TOGARAM1: variants seen among roughly 807,000 people sequenced by gnomAD.
The protein encoded by TOGARAM1 is TOG array regulator of axonemal microtubules protein 1.
A neutral mutation model predicts 166.6 loss-of-function variants in TOGARAM1; 100 were observed. The ratio of observed to expected loss-of-function variants is 0.60; its 90% CI spans 0.51 to 0.71. The LOEUF is 0.71. Ranked by LOEUF, TOGARAM1 falls within the 30% of genes least tolerant of loss-of-function variation. The pLI, the probability that TOGARAM1 is intolerant of heterozygous loss-of-function variation, is 0.00. For missense variants in TOGARAM1, 2,029 were observed against 2,102.7 expected (o/e 0.96, Z 0.69); for synonymous variants, 758 against 763.8 (o/e 0.99, Z 0.13).
rs533633198 is a variant in TOGARAM1, at chr14:45,040,148, G to A, written c.3813-3538G>A. Among the ~76,000 whole-genome samples, 20 of 152,330 alleles carry A rather than the reference G, an allele frequency of 1.3e-4. No homozygotes were observed. The South Asian group carries it at 4.1e-3, about 32-fold the overall frequency. ...GAATTAAATTGGAAATTAATGACAG[G>A]TATTTGGAAAATGCTCAAATATTTA... On this transcript the variant is annotated intron_variant, in intron 11 of 19. Transcript: ENST00000361462.
intron 16 of TOGARAM1, among the ~76,000 whole-genome samples, chr14:45,062,589 C>A (rs745524063): frequency 1.3e-4 from 20 of 152,246 alleles, no homozygotes; most frequent in Middle Eastern, 3.4e-3. Flanking sequence ...GATTTTTCAA[C>A]CTTACAATGG....
At chr14:45,045,307 GC>G (rs940146397) in intron 13 of TOGARAM1, among the ~76,000 whole-genome samples, 1 of 150,670 alleles carries the variant, frequency 6.6e-6, no homozygotes, top group Non-Finnish European at 1.5e-5. Context: ...TTTATCCCTC[GC>G]CCCCCTCCTG....
Position 44,999,494 on chromosome 14 carries a change from A to G in TOGARAM1, c.2335A>G (p.Lys779Glu). The G allele has an allele frequency of 6.2e-7, 1 of 1,602,786 alleles. No individual in the cohort carries two copies. Among genetic ancestry groups the G allele is most frequent in the Non-Finnish European group, 8.5e-7 (1 of 1,173,984 alleles). The change falls in exon 3 of 20, where the codon AAA becomes GAA. Residue 779 changes from lysine to glutamate, a missense_variant. By Grantham distance (56) the Lys-to-Glu change is moderately conservative. This residue lies in a region of TOGARAM1 where 1,453 missense variants were observed against 1,432.2 expected (regional missense o/e 1.01). Coordinates refer to ENST00000361462, the MANE Select transcript of TOGARAM1 (RefSeq NM_001308120.2). ...AGGGACAACTAGCAGTCATCAAGAA[A>G]AAGGTATAAGTTCCAAATTTACTTG... Reference protein sequence around the residue: ...FLGTTSSHQEKVYASLNFGSK... With the variant: ...FLGTTSSHQEEVYASLNFGSK...
intron 7 of TOGARAM1, chr14:45,022,771 G>C (rs1880597901): frequency 6.6e-6 from 1 of 151,754 alleles, no homozygotes; most frequent in Non-Finnish European, 1.5e-5. Context: ...AGCTCTTTTT[G>C]CTTCAATATC....
At chr14:45,003,628 A>G (rs1007905735) in intron 3 of TOGARAM1, among the ~76,000 whole-genome samples, 1 of 152,180 alleles carries the variant, frequency 6.6e-6, no homozygotes, top group African/African-American at 2.4e-5. Flanking sequence ...CACTAGGCAA[A>G]TGTTCAGAGA....
In TOGARAM1 at chr14:45,068,446, G is replaced by A. The variant is rs568905720; in HGVS notation, c.4772G>A (p.Arg1591Gln). 10 of 1,604,576 alleles carry A rather than the reference G, an allele frequency of 6.2e-6. 1 individual carries two copies. In the South Asian group the frequency reaches 7.9e-5, roughly 13 times the overall value. Reference sequence around the variant, plus strand: ...CAGATTTTTGATGCTTTTAAATCTCGACTTCATGATTCTAATAGTAAAGTA... The same window carrying A: ...CAGATTTTTGATGCTTTTAAATCTCAACTTCATGATTCTAATAGTAAAGTA... ...IVKIFDAFKS[R>Q]LHDSNSKVNL... Residue 1591 changes from arginine (R) to glutamine (Q), a missense_variant, in exon 18 of 20, where the codon CGA becomes CAA. By Grantham distance (43) the Arg-to-Gln change is conservative. Transcript: ENST00000361462.
chr14:45,042,069 A>G (rs1031521108), intron 11 of TOGARAM1: 1 of 152,218 alleles, frequency 6.6e-6, no homozygotes, highest in African/African-American at 2.4e-5. Context: ...ATTTCTTTAC[A>G]TTCCATCAAT....
Position 44,963,280 on chromosome 14 carries a change from C to T in TOGARAM1, c.859C>T (p.Leu287Phe). The change falls in exon 1 of 20, where the codon CTT (leucine) becomes TTT (phenylalanine). Residue 287 changes from leucine (L) to phenylalanine (F), a missense_variant. By Grantham distance (22) the Leu-to-Phe change is conservative. This residue lies in a region of TOGARAM1 where 1,453 missense variants were observed against 1,432.2 expected (regional missense o/e 1.01). Transcript: ENST00000361462. ...CGCACTTCAACAAATTGGGGAGCGA[C>T]TTGGCCAAGACAGGTTTCAATCTTA... The part of the protein sequence containing the change: ...FSALQQIGER[L>F]GQDRFQSYIS... The T allele has an allele frequency of 6.2e-7, 1 of 1,614,180 alleles. No homozygotes were observed. The highest frequency in any genetic ancestry group is 8.5e-7 in the Non-Finnish European group (1 of 1,180,024).
At position 45,052,502 on chromosome 14, in the gene TOGARAM1, G is replaced by T; in HGVS notation, c.4380G>T (p.Lys1460Asn). The stretch of plus-strand genomic sequence containing the variant: ...CTAACTTTGAAAAAATGCTTGAAAA[G>T]TATGTCCCATCTAAAGATTTGCCAT... ...CHPNFEKMLE[K>N]YVPSKDLPYI... Residue 1460 changes from lysine (K) to asparagine (N), a missense_variant, in exon 15 of 20, where the codon AAG becomes AAT. Physicochemically the swap from Lys to Asn is moderately conservative, Grantham distance 94. This residue lies in a region of TOGARAM1 where 576 missense variants were observed against 670.5 expected (regional missense o/e 0.86). Coordinates refer to ENST00000361462, the MANE Select transcript of TOGARAM1 (RefSeq NM_001308120.2). The T allele has an allele frequency of 6.2e-7, 1 of 1,612,988 alleles. No individual in the cohort carries two copies. Among genetic ancestry groups the T allele is most frequent in the Non-Finnish European group, 8.5e-7 (1 of 1,179,472 alleles).
Position 45,002,762 on chromosome 14 carries a change from G to T in TOGARAM1, c.2339-1299G>T, listed in dbSNP as rs185856534. Among the ~76,000 whole-genome samples, 10 of 152,264 alleles carry T rather than the reference G, an allele frequency of 6.6e-5. No homozygotes were observed. The East Asian group carries it at 1.4e-3, about 21-fold the overall frequency. ...GGAGGCCAAGGTGGGTGGATCATGAGGTCAAGAGATTGAGACCATCCTGGC... is the reference window on the plus strand; with the variant it reads ...GGAGGCCAAGGTGGGTGGATCATGATGTCAAGAGATTGAGACCATCCTGGC... On this transcript the variant is annotated intron_variant, in intron 3 of 19. Transcript: ENST00000361462.
intron 7 of TOGARAM1, among the ~76,000 whole-genome samples, chr14:45,021,351 G>T (rs894473015): frequency 6.6e-6 from 1 of 152,156 alleles, no homozygotes; most frequent in Non-Finnish European, 1.5e-5. Context: ...CCTATATGAT[G>T]GGGCATCAAT....
chr14:45,069,908 C>T (rs550684801), intron 18 of TOGARAM1, among the ~76,000 whole-genome samples: 2 of 152,182 alleles, frequency 1.3e-5, no homozygotes, highest in African/African-American at 4.8e-5. Flanking sequence ...TTCGGCCAGG[C>T]ACAGTGGCTC....
In TOGARAM1 at chr14:45,011,978, A is replaced by G. The variant is rs201895480; in HGVS notation, c.3141A>G (p.Ser1047=). The G allele has an allele frequency of 2.8e-4, 444 of 1,599,136 alleles. No homozygotes were observed. The highest frequency in any genetic ancestry group is 2.1e-4 in the Non-Finnish European group (242 of 1,174,988). ...STTPQGKRIM[S]DIFPTFGSKP... ...AAATTACTTTGTTTCATTGCAGGTC[A>G]GACATATTTCCAACATTTGGGTCAA... The change falls in exon 7 of 20, where the codon TCA becomes TCG. Residue 1047 remains serine, a synonymous_variant. Coordinates refer to ENST00000361462, the MANE Select transcript of TOGARAM1 (RefSeq NM_001308120.2).
At chr14:44,965,936 G>T (rs893866828) in intron 1 of TOGARAM1, among the ~76,000 whole-genome samples, 2 of 145,846 alleles carry the variant, frequency 1.4e-5, no homozygotes, top group South Asian at 2.2e-4. Flanking sequence ...GCGCAATGGC[G>T]CAATCTCAGC....
At chr14:45,012,704 A>T (rs1325098659) in intron 7 of TOGARAM1, among the ~76,000 whole-genome samples, 1 of 152,202 alleles carries the variant, frequency 6.6e-6, no homozygotes, top group East Asian at 1.9e-4. Flanking sequence ...TTGGTATATG[A>T]TGTTTAGTTT....
chr14:45,056,506 G>A (rs745886200), intron 16 of TOGARAM1, among the ~76,000 whole-genome samples: 5 of 152,046 alleles, frequency 3.3e-5, no homozygotes, highest in African/African-American at 4.8e-5. Flanking sequence ...TGGGTTTATT[G>A]TATATGGCCT....
chr14:44,983,087 A>G (rs1425023379), intron 1 of TOGARAM1, among the ~76,000 whole-genome samples: 1 of 152,234 alleles, frequency 6.6e-6, no homozygotes, highest in African/African-American at 2.4e-5. Context: ...GAAAGGAGCC[A>G]TCTGTGAATT....
At chr14:44,975,284 A>C (rs74604643) in intron 1 of TOGARAM1, among the ~76,000 whole-genome samples, 3,170 of 152,290 alleles carry the variant, frequency 0.021, 127 homozygotes, top group African/African-American at 0.072. Context: ...TATAAAAATA[A>C]ATACTGAGTT....
In TOGARAM1 at chr14:45,052,344, GT is replaced by G. The variant is rs1021135643; in HGVS notation, c.4314-84del. On this transcript the variant is annotated intron_variant, in intron 14 of 19. Transcript: ENST00000361462. The stretch of plus-strand genomic sequence containing the variant: ...ATGGTAATCTTGATGTTTGATAGGT[GT>G]TTTTTTTCTATTGAAACAATGCATC... 1,189 of 1,051,040 alleles carry G rather than the reference GT, an allele frequency of 1.1e-3. 2 individuals are homozygous for G. Among genetic ancestry groups the G allele is most frequent in the Non-Finnish European group, 1.2e-3 (865 of 728,332 alleles). 65.1% of individuals were successfully genotyped at this position (1,051,040 alleles called of 1,614,324 possible).
Sources: allele counts gnomAD v4.1 joint callset (sites outside exome capture counted in the v4.1 genomes callset), GRCh38; gene constraint gnomAD v4.1.1; regional missense constraint gnomAD v4.1.1; transcripts MANE v1.5; gene names NCBI Gene and HGNC (gene_info 2026-07-23, HGNC 2026-07-21).